Variants in KDM7A observed in about 807,000 individuals in gnomAD.
KDM7A encodes the protein lysine-specific demethylase 7A.
Under a neutral mutation model 114.8 loss-of-function variants are expected in KDM7A, and 28 were observed. The ratio of observed to expected loss-of-function variants is 0.24; its 90% confidence interval spans 0.18 to 0.33. The LOEUF is 0.33. Ranked by LOEUF, KDM7A falls within the 10% of genes least tolerant of loss-of-function variation. KDM7A has a pLI of 1.00. For synonymous variants in KDM7A, 423 were observed against 397.8 expected (o/e 1.06, Z -0.75); for missense variants, 942 against 1,142.5 (o/e 0.82, Z 2.53).
intron 10 of KDM7A, among the ~76,000 whole-genome samples, chr7:140,112,554 C>T (rs574994741): frequency 5.3e-5 from 8 of 151,378 alleles, no homozygotes; most frequent in South Asian, 4.2e-4. Flanking sequence ...TAGGTTGCAG[C>T]GAGCCGAGAT....
intron 1 of KDM7A, among the ~76,000 whole-genome samples, chr7:140,147,563 AT>A (rs1794351994): frequency 6.6e-6 from 1 of 151,994 alleles, no homozygotes; most frequent in Non-Finnish European, 1.5e-5. Context: ...CCAACTACTC[AT>A]TTTCTTCACT....
At chr7:140,100,133 A>G in intron 12 of KDM7A, 110 bp from the exon 13 acceptor site, 4 of 1,130,466 alleles carry the variant, frequency 3.5e-6, no homozygotes, top group African/African-American at 1.5e-5. Context: ...TCTCAAAGAT[A>G]CAGGCAGCCA....
At chr7:140,156,724 A>C (rs1207495634) in intron 1 of KDM7A, among the ~76,000 whole-genome samples, 1 of 152,214 alleles carries the variant, frequency 6.6e-6, no homozygotes, top group African/African-American at 2.4e-5. Context: ...CTTCAAGTAC[A>C]AGCTGCTGAG....
intron 11 of KDM7A, among the ~76,000 whole-genome samples, chr7:140,105,386 T>G (rs1279366985): frequency 6.6e-6 from 1 of 152,194 alleles, no homozygotes; most frequent in Admixed American, 6.5e-5. Context: ...AGGGAATGCT[T>G]CCAGTTTTGC....
rs1794636566 is a variant in KDM7A, at chr7:140,171,382, T to A, written c.194+5362A>T. Among the ~76,000 whole-genome samples the A allele has an allele frequency of 2.7e-5, 4 of 150,862 alleles. No individual in the cohort carries two copies. The South Asian group carries it at 6.2e-4, about 23-fold the overall frequency. Reference sequence around the variant, plus strand: ...TACTCAGGAGGCTGAGGCAGGAGAATCATTTGAACCTGGGAGACAGAGGTT... The same window carrying A: ...TACTCAGGAGGCTGAGGCAGGAGAAACATTTGAACCTGGGAGACAGAGGTT... On this transcript the variant is annotated intron_variant, in intron 1 of 19. Transcript: ENST00000397560.
chr7:140,101,813 A>G (rs994620080), intron 12 of KDM7A, 138 bp downstream of exon 12: 15 of 647,606 alleles, frequency 2.3e-5, no homozygotes, highest in African/African-American at 1.8e-4. Context: ...TGTCACAGGC[A>G]TAACTACTGG....
chr7:140,122,203 A>G (rs1481396689), intron 7 of KDM7A, among the ~76,000 whole-genome samples: 2 of 152,218 alleles, frequency 1.3e-5, no homozygotes, highest in African/African-American at 4.8e-5. Context: ...TTATGCAATT[A>G]CTATTTCATT....
At chr7:140,095,209 T>C (rs757318841) in intron 17 of KDM7A, among the ~76,000 whole-genome samples, 2 of 152,212 alleles carry the variant, frequency 1.3e-5, no homozygotes, top group Admixed American at 6.5e-5. Context: ...TAATTCTCTA[T>C]AAAAATGGTA....
At chr7:140,124,885 T>C (rs903950878) in intron 6 of KDM7A, 102 bp from the exon 7 acceptor site, 1 of 692,530 alleles carries the variant, frequency 1.4e-6, no homozygotes, top group African/African-American at 1.8e-5. Flanking sequence ...TTAAATTGGA[T>C]AATTATCAGA....
At chr7:140,173,440 CCT>C (rs1794668777) in intron 1 of KDM7A, among the ~76,000 whole-genome samples, 4 of 152,140 alleles carry the variant, frequency 2.6e-5, no homozygotes, top group African/African-American at 9.7e-5. Flanking sequence ...GTCTTCCTTC[CCT>C]GTCACAAGAA....
intron 18 of KDM7A, among the ~76,000 whole-genome samples, chr7:140,093,139 G>A (rs1818050402): frequency 6.6e-6 from 1 of 152,218 alleles, no homozygotes; most frequent in Non-Finnish European, 1.5e-5. Flanking sequence ...TTTAGGGGTA[G>A]AGTCTTTTCT....
chr7:140,132,500 C>G (rs769796458), intron 3 of KDM7A, among the ~76,000 whole-genome samples: 31 of 152,248 alleles, frequency 2.0e-4, no homozygotes, highest in Admixed American at 1.2e-3. Context: ...TCTCTTAGAC[C>G]CACCACCAGA....
chr7:140,097,114 G>T, intron 15 of KDM7A, 67 bp from the exon 16 acceptor site: 2 of 1,208,076 alleles, frequency 1.7e-6, no homozygotes, highest in South Asian at 1.5e-5. Context: ...AAATGAATCC[G>T]AAAAGATTTT....
chr7:140,100,711 CATATATAT>C (rs58767645), intron 12 of KDM7A, among the ~76,000 whole-genome samples: 133 of 56,852 alleles, frequency 2.3e-3, no homozygotes, highest in Non-Finnish European at 4.2e-3. Flanking sequence ...TATATATACA[CATATATAT>C]ATATATATAT....
chr7:140,118,374 A>G (rs1818565673), intron 9 of KDM7A, among the ~76,000 whole-genome samples: 1 of 152,090 alleles, frequency 6.6e-6, no homozygotes, highest in Non-Finnish European at 1.5e-5. Flanking sequence ...CTATAAAGAC[A>G]AGTTCAAAAA....
chr7:140,138,960 T>C (rs1471528451), intron 2 of KDM7A, 145 bp downstream of exon 2: 1 of 515,458 alleles, frequency 1.9e-6, no homozygotes, highest in East Asian at 3.1e-5. Flanking sequence ...ACATCCTAAA[T>C]ACCTTGAGCA....
intron 1 of KDM7A, among the ~76,000 whole-genome samples, chr7:140,169,244 T>C (rs932305488): frequency 2.6e-5 from 4 of 152,178 alleles, no homozygotes; most frequent in African/African-American, 9.7e-5. Flanking sequence ...AAATGTAATT[T>C]TCAAAAAAGA....
Position 140,097,549 on chromosome 7 carries a change from G to A in KDM7A, c.2012C>T (p.Ala671Val), listed in dbSNP as rs756528545. 3 of 1,551,506 alleles carry A rather than the reference G, an allele frequency of 1.9e-6. No individual in the cohort carries two copies. Among genetic ancestry groups the A allele is most frequent in the Non-Finnish European group, 2.7e-6 (3 of 1,123,804 alleles). ...ESEDSGPECT[A>V]LKSIFTTEES... is the part of the protein sequence containing the mutation. ...GCCATGGGGTCTCAGGCGTACCAGT[G>A]CAGTGCACTCGGGTCCGGAGTCTTC... Residue 671 changes from alanine to valine, a missense_variant, in exon 15 of 20, where the codon GCA becomes GTA. Transcript: ENST00000397560.
At chr7:140,151,530 G>T (rs999081604) in intron 1 of KDM7A, among the ~76,000 whole-genome samples, 1 of 152,082 alleles carries the variant, frequency 6.6e-6, no homozygotes, top group Admixed American at 6.5e-5. Flanking sequence ...GTACAGAACT[G>T]ATTATTTTTT....
Sources: gnomAD v4.1 joint callset for allele counts (sites outside exome capture counted in the v4.1 genomes callset) on GRCh38, gnomAD v4.1.1 for gene constraint, MANE v1.5 for transcripts, NCBI Gene and HGNC (gene_info 2026-07-23, HGNC 2026-07-21) for gene names.